PITPNA: variants seen among roughly 807,000 people sequenced by gnomAD.
PITPNA encodes phosphatidylinositol transfer protein alpha isoform.
In PITPNA, 13 loss-of-function variants were observed where a neutral mutation model predicts 50.3. The observed-to-expected ratio is 0.26, with a 90% CI of 0.17 to 0.41. The LOEUF (loss-of-function observed/expected upper bound fraction) is 0.41. Among genes scored for constraint, PITPNA ranks in the 10% least tolerant of loss-of-function variants. The probability of loss-of-function intolerance (pLI) is 1.00; values close to 1 mark genes in which losing one functional copy is unlikely to be tolerated. For synonymous variants in PITPNA, 120 were observed against 119.6 expected (o/e 1.00, Z -0.02); for missense variants, 207 against 333.4 (o/e 0.62, Z 2.95).
rs1385167190 is a variant in PITPNA at position 1,520,456 on chromosome 17, ACAGAACGGCTG to A, written c.*94_*104del. The A allele has an allele frequency of 6.5e-6, 1 of 152,720 alleles. No individual in the cohort carries two copies. The highest frequency in any genetic ancestry group is 1.5e-5 in the Non-Finnish European group (1 of 68,080). 9.5% of individuals were successfully genotyped at this position (152,720 alleles called of 1,614,324 possible). On this transcript the variant is annotated 3_prime_UTR_variant, in exon 12 of 12. Transcript: ENST00000313486. ...ATCGAAAGTTGCCTGAAGAATGGGCACAGAACGGCTGCGTCCGAAAATGGCCTGTCACTTGG... is the reference window on the plus strand; with the variant it reads ...ATCGAAAGTTGCCTGAAGAATGGGCACGTCCGAAAATGGCCTGTCACTTGG...
At chr17:1,561,787 T>C (rs2075769518) in intron 1 of PITPNA, among the ~76,000 whole-genome samples, 1 of 152,004 alleles carries the variant, frequency 6.6e-6, no homozygotes, top group African/African-American at 2.4e-5. Context: ...TTCCTAGTCC[T>C]CCTCCTGTGT....
intron 7 of PITPNA, among the ~76,000 whole-genome samples, chr17:1,537,072 AT>A (rs201716406): frequency 1.3e-3 from 186 of 139,272 alleles, no homozygotes; most frequent in African/African-American, 1.2e-3. Context: ...CTAATTTTGT[AT>A]TTTTTTTTTT....
chr17:1,532,429 C>G (rs1015342923), intron 10 of PITPNA, among the ~76,000 whole-genome samples: 1 of 152,178 alleles, frequency 6.6e-6, no homozygotes, highest in Non-Finnish European at 1.5e-5. Context: ...AAAAATAACT[C>G]TCTAACACTG....
intron 4 of PITPNA, among the ~76,000 whole-genome samples, chr17:1,545,565 C>A (rs1234641468): frequency 2.0e-5 from 3 of 152,240 alleles, no homozygotes; most frequent in Non-Finnish European, 4.4e-5. Context: ...TTCCCCTACT[C>A]CCTGTCTCCA....
intron 6 of PITPNA, among the ~76,000 whole-genome samples, chr17:1,540,650 G>A (rs2075643680): frequency 6.6e-6 from 1 of 150,972 alleles, no homozygotes; most frequent in Non-Finnish European, 1.5e-5. Flanking sequence ...GTACAGTGGC[G>A]TGATCTCGGC....
At chr17:1,524,832 G>C (rs1012244386) in intron 10 of PITPNA, among the ~76,000 whole-genome samples, 1 of 151,078 alleles carries the variant, frequency 6.6e-6, no homozygotes, top group Non-Finnish European at 1.5e-5. Context: ...CTGGGCGACA[G>C]AGCGAGACTC....
intron 2 of PITPNA, among the ~76,000 whole-genome samples, chr17:1,557,961 G>T (rs9906585): frequency 0.17 from 25,434 of 152,066 alleles, 2,554 homozygotes; most frequent in African/African-American, 0.28. Flanking sequence ...CCGGGTGTGG[G>T]GGCTCACGCC....
chr17:1,560,930 C>G (rs981131439), intron 1 of PITPNA, among the ~76,000 whole-genome samples: 2 of 152,158 alleles, frequency 1.3e-5, no homozygotes, highest in Admixed American at 1.3e-4. Flanking sequence ...CACTCTATGT[C>G]CTAAATGTCC....
chr17:1,547,144 G>C (rs2075679033), intron 4 of PITPNA, among the ~76,000 whole-genome samples: 1 of 148,888 alleles, frequency 6.7e-6, no homozygotes, highest in Non-Finnish European at 1.5e-5. Context: ...AGGATCGCTT[G>C]AGCCCAGGAA....
intron 3 of PITPNA, among the ~76,000 whole-genome samples, chr17:1,551,256 G>A (rs2075707445): frequency 6.6e-6 from 1 of 152,044 alleles, no homozygotes; most frequent in South Asian, 2.1e-4. Flanking sequence ...AGTGGTGGCA[G>A]TCACTGCTGG....
chr17:1,558,414 T>C (rs1209280798), intron 2 of PITPNA, 115 bp downstream of exon 2: 3 of 703,836 alleles, frequency 4.3e-6, no homozygotes, highest in Admixed American at 2.7e-5. Context: ...ATTGAAATAT[T>C]TATGTTAGAA....
intron 10 of PITPNA, among the ~76,000 whole-genome samples, chr17:1,528,892 C>T (rs534308909): frequency 1.3e-5 from 2 of 152,116 alleles, no homozygotes; most frequent in Admixed American, 6.5e-5. Flanking sequence ...AATCCCAACA[C>T]TTTGGGAGGC....
intron 6 of PITPNA, 103 bp from the exon 7 acceptor site, chr17:1,539,055 G>T (rs73296927): frequency 0.11 from 72,480 of 671,398 alleles, 4,291 homozygotes; most frequent in Middle Eastern, 0.15. Flanking sequence ...AGCCACAGAT[G>T]TAAGATTCCT....
intron 5 of PITPNA, chr17:1,541,857 C>T (rs1162184006): frequency 1.5e-6 from 1 of 652,160 alleles, no homozygotes; most frequent in Non-Finnish European, 2.9e-6. Context: ...TGTAGAATCA[C>T]CCTCATTTTA....
intron 3 of PITPNA, among the ~76,000 whole-genome samples, chr17:1,550,852 C>G (rs1322931659): frequency 6.6e-6 from 1 of 152,242 alleles, no homozygotes; most frequent in African/African-American, 2.4e-5. Flanking sequence ...CCAGACTGAA[C>G]ACTTGAAGCG....
In PITPNA at chr17:1,557,070, A is replaced by G. The variant is rs972346273; in HGVS notation, c.51+1459T>C. ...CCCCAGGTACATCCCCAGTGCCTAC[A>G]GGGATTAGAGCCATCTACCCAGCCA... On this transcript the variant is annotated intron_variant, in intron 2 of 11. Coordinates refer to ENST00000313486, the MANE Select transcript of PITPNA (RefSeq NM_006224.4). 5.3e-5 allele frequency among the ~76,000 whole-genome samples: 8 copies of G among 152,278 alleles called. 1 individual carries two copies. Among genetic ancestry groups the G allele is most frequent in the Admixed American group, 3.3e-4 (5 of 15,302 alleles).
intron 7 of PITPNA, among the ~76,000 whole-genome samples, chr17:1,536,645 G>A (rs1227059510): frequency 1.3e-5 from 2 of 152,042 alleles, no homozygotes; most frequent in East Asian, 3.9e-4. Flanking sequence ...CCAGGCTGGA[G>A]TGCAGTGGCA....
intron 3 of PITPNA, 34 bp from the exon 4 acceptor site, chr17:1,548,421 A>C (rs897606198): frequency 6.9e-7 from 1 of 1,439,964 alleles, no homozygotes; most frequent in African/African-American, 1.4e-5. Flanking sequence ...ATAAAGAGAA[A>C]TGGTAGAGAG....
At chr17:1,539,026 T>G in intron 6 of PITPNA, 74 bp from the exon 7 acceptor site, 1 of 871,220 alleles carries the variant, frequency 1.1e-6, no homozygotes, top group South Asian at 1.4e-5. Flanking sequence ...AATGGACACC[T>G]AGGAACTGCC....
Sources: allele counts gnomAD v4.1 joint callset (sites outside exome capture counted in the v4.1 genomes callset), GRCh38; gene constraint gnomAD v4.1.1; transcripts MANE v1.5; gene names NCBI Gene and HGNC (gene_info 2026-07-23, HGNC 2026-07-21).